Variants in BIN2 observed in about 807,000 individuals in gnomAD.
BIN2 encodes the protein breast cancer associated protein BRAP1.
BIN2 carries 43 observed loss-of-function variants against 67.9 expected under a neutral mutation model. That is an observed-to-expected ratio of 0.63 (90% CI 0.50 to 0.82). The LOEUF (loss-of-function observed/expected upper bound fraction) is 0.82, where lower values mean the gene tolerates loss of function less well. Among genes scored for constraint, BIN2 ranks in the 40% least tolerant of loss-of-function variants. The pLI is 0.00. For synonymous variants in BIN2, 244 were observed against 246.8 expected (o/e 0.99, Z 0.11); for missense variants, 581 against 671.6 (o/e 0.87, Z 1.49).
chr12:51,296,748 C>T (rs886837398), intron 8 of BIN2, among the ~76,000 whole-genome samples: 22 of 152,176 alleles, frequency 1.4e-4, no homozygotes, highest in Non-Finnish European at 2.4e-4. Flanking sequence ...TCCTTAAACA[C>T]TGCCCTCTCC....
intron 1 of BIN2, among the ~76,000 whole-genome samples, chr12:51,316,371 A>T (rs947263328): frequency 4.6e-5 from 7 of 151,430 alleles, no homozygotes; most frequent in African/African-American, 1.7e-4. Flanking sequence ...TGGCAGACGC[A>T]TGTAATCCCA....
chr12:51,305,121 G>A (rs1292154404), intron 2 of BIN2, among the ~76,000 whole-genome samples: 23 of 152,102 alleles, frequency 1.5e-4, no homozygotes, highest in African/African-American at 4.6e-4. Context: ...TGGATCACCC[G>A]AGGTCAGGAG....
Position 51,303,158 on chromosome 12 carries a change from C to A in BIN2, c.163-17G>T. On this transcript the variant is annotated splice_polypyrimidine_tract_variant and intron_variant, in intron 2 of 12. Transcript: ENST00000615107. ...GCCTTCTGCCTGAAAGAGAAAAGTA[C>A]ATTTGGTGACTAAAGAGATTAATAT... The A allele has an allele frequency of 1.9e-6, 3 of 1,612,330 alleles. No homozygotes were observed. Among genetic ancestry groups the A allele is most frequent in the Non-Finnish European group, 2.5e-6 (3 of 1,178,400 alleles).
At chr12:51,321,558 C>A (rs887617033) in intron 1 of BIN2, among the ~76,000 whole-genome samples, 1 of 152,126 alleles carries the variant, frequency 6.6e-6, no homozygotes, top group Non-Finnish European at 1.5e-5. Context: ...CGCCACCACA[C>A]CCGGCTGATT....
intron 2 of BIN2, among the ~76,000 whole-genome samples, chr12:51,305,738 A>C (rs1447905442): frequency 6.6e-6 from 1 of 151,896 alleles, no homozygotes; most frequent in Non-Finnish European, 1.5e-5. Context: ...TTAGCAGCAG[A>C]AAATTTAGGT....
intron 2 of BIN2, among the ~76,000 whole-genome samples, chr12:51,307,282 C>CAA (rs11348350): frequency 2.5e-4 from 25 of 101,614 alleles, no homozygotes; most frequent in Non-Finnish European, 4.8e-4. Flanking sequence ...GACTCTGACT[C>CAA]AAAAAAAAAA....
At chr12:51,296,518 C>A (rs560772307) in intron 8 of BIN2, among the ~76,000 whole-genome samples, 342 of 151,204 alleles carry the variant, frequency 2.3e-3, no homozygotes, top group Middle Eastern at 0.01. Context: ...AACCAAAAAA[C>A]CTCATTTTTA....
Position 51,302,669 on chromosome 12 carries a change from A to G in BIN2, c.312+17T>C, listed in dbSNP as rs1945758336. ...GGAGTAAGTGCCAATAAGTTGTAAA[A>G]CTCAAGCCACTCTTACCCATACGAT... On this transcript the variant is annotated intron_variant, in intron 4 of 12. Transcript: ENST00000615107. The G allele has an allele frequency of 6.2e-7, 1 of 1,600,846 alleles. No individual in the cohort carries two copies. The highest frequency in any genetic ancestry group is 1.3e-5 in the African/African-American group (1 of 74,484).
Position 51,321,452 on chromosome 12 carries a change from T to G in BIN2, c.81+2570A>C, listed in dbSNP as rs1002989948. The stretch of plus-strand genomic sequence containing the variant: ...TTTGCTCTTGTTGCACAAGTTGGAG[T>G]GCAATGGCGCGATCTCGGCTCACGG... On this transcript the variant is annotated intron_variant, in intron 1 of 12. Coordinates refer to ENST00000615107, the MANE Select transcript of BIN2 (RefSeq NM_016293.4). Among the ~76,000 whole-genome samples the G allele has an allele frequency of 3.3e-5, 5 of 151,868 alleles. No individual in the cohort carries two copies. In the East Asian group the frequency reaches 9.7e-4, roughly 29 times the overall value.
intron 12 of BIN2, among the ~76,000 whole-genome samples, chr12:51,282,195 T>C (rs1253309524): frequency 1.3e-5 from 2 of 152,182 alleles, no homozygotes; most frequent in African/African-American, 4.8e-5. Flanking sequence ...TTTACATCAC[T>C]ATCCTGTCTC....
At chr12:51,313,687 C>T (rs1246084581) in intron 2 of BIN2, 136 bp downstream of exon 2, 5 of 753,992 alleles carry the variant, frequency 6.6e-6, no homozygotes, top group East Asian at 2.6e-5. Context: ...ACAGGTCACC[C>T]TGTAGCCCTT....
At chr12:51,305,153 A>T (rs1945837086) in intron 2 of BIN2, among the ~76,000 whole-genome samples, 1 of 150,180 alleles carries the variant, frequency 6.7e-6, no homozygotes, top group Admixed American at 6.6e-5. Flanking sequence ...CCTGACCAAC[A>T]TGGTGAAACC....
intron 1 of BIN2, among the ~76,000 whole-genome samples, chr12:51,321,535 G>A (rs931905580): frequency 1.3e-5 from 2 of 152,144 alleles, no homozygotes; most frequent in African/African-American, 4.8e-5. Flanking sequence ...GAGTAGCTGG[G>A]ATTACAGGCA....
intron 12 of BIN2, among the ~76,000 whole-genome samples, chr12:51,284,324 C>T (rs1224132107): frequency 6.6e-6 from 1 of 152,112 alleles, no homozygotes; most frequent in Non-Finnish European, 1.5e-5. Context: ...ATAGGCTATA[C>T]CATACAGCCA....
At chr12:51,322,059 G>C (rs2137456833) in intron 1 of BIN2, among the ~76,000 whole-genome samples, 1 of 152,336 alleles carries the variant, frequency 6.6e-6, no homozygotes, top group East Asian at 1.9e-4. Flanking sequence ...CCTCATGGCA[G>C]ATTTGAGTTT....
chr12:51,319,119 C>G (rs1294832335), intron 1 of BIN2, among the ~76,000 whole-genome samples: 1 of 152,124 alleles, frequency 6.6e-6, no homozygotes, highest in Non-Finnish European at 1.5e-5. Context: ...CTTCCTTTGT[C>G]CCTAATTTGG....
intron 2 of BIN2, among the ~76,000 whole-genome samples, chr12:51,303,412 T>C (rs769488627): frequency 1.3e-5 from 2 of 152,208 alleles, no homozygotes; most frequent in African/African-American, 2.4e-5. Flanking sequence ...AGTTCCACTG[T>C]TGAAAGGTAA....
At chr12:51,297,838 G>A (rs968901371) in intron 7 of BIN2, among the ~76,000 whole-genome samples, 10 of 151,948 alleles carry the variant, frequency 6.6e-5, no homozygotes, top group African/African-American at 2.4e-4. Context: ...ATTACAGTAA[G>A]TAATTATTCT....
Position 51,299,304 on chromosome 12 carries a change from G to A in BIN2, c.517-16C>T. On this transcript the variant is annotated splice_polypyrimidine_tract_variant and intron_variant, in intron 6 of 12. Transcript: ENST00000615107. ...CTTCCTCTGCCTAGGTGGTAAAAGA[G>A]ACAAGACAATCTCCCTCAATTCTGA... 6.2e-7 allele frequency: 1 copy of A among 1,605,882 alleles called. No individual in the cohort carries two copies. The highest frequency in any genetic ancestry group is 8.5e-7 in the Non-Finnish European group (1 of 1,172,630).
Sources: gnomAD v4.1 joint callset for allele counts (sites outside exome capture counted in the v4.1 genomes callset) on GRCh38, gnomAD v4.1.1 for gene constraint, MANE v1.5 for transcripts, NCBI Gene and HGNC (gene_info 2026-07-23, HGNC 2026-07-21) for gene names.